The following RBM27 variants were observed in gnomAD, a reference collection of about 807,000 sequenced individuals.
The protein encoded by RBM27 is RNA-binding protein 27.
A neutral mutation model predicts 135.3 loss-of-function variants in RBM27; 22 were observed. The observed-to-expected ratio is 0.16, with a 90% CI of 0.12 to 0.23. The LOEUF (loss-of-function observed/expected upper bound fraction) is 0.23, where lower values mean the gene tolerates loss of function less well. Among genes scored for constraint, RBM27 ranks in the 10% least tolerant of loss-of-function variants. RBM27 has a pLI of 1.00. For missense variants in RBM27, 1,009 were observed against 1,281.0 expected, an observed-to-expected ratio of 0.79 and a Z score of 3.24; for synonymous variants, 481 against 442.4, an observed-to-expected ratio of 1.09 and a Z score of -1.10.
At chr5:146,240,888 A>C (rs1268660239) in intron 8 of RBM27, among the ~76,000 whole-genome samples, 1 of 152,168 alleles carries the variant, frequency 6.6e-6, no homozygotes, top group African/African-American at 2.4e-5. Flanking sequence ...GGGAAATCTC[A>C]AATATATATA....
At chr5:146,271,160 G>A in intron 18 of RBM27, 102 bp downstream of exon 18, 1 of 797,804 alleles carries the variant, frequency 1.3e-6, no homozygotes, top group African/African-American at 1.8e-5. Flanking sequence ...CAGCACTTTG[G>A]GAGGCCGAGG....
At chr5:146,227,695 C>T (rs768657226) in intron 3 of RBM27, among the ~76,000 whole-genome samples, 1 of 152,084 alleles carries the variant, frequency 6.6e-6, no homozygotes, top group South Asian at 2.1e-4. Context: ...GCTGAGATAG[C>T]GCCACTGCAC....
At chr5:146,280,121 C>T (rs993381918) in intron 19 of RBM27, among the ~76,000 whole-genome samples, 1 of 151,436 alleles carries the variant, frequency 6.6e-6, no homozygotes, top group Non-Finnish European at 1.5e-5. Flanking sequence ...TGCAGTGGTA[C>T]GATCTCAGCT....
At chr5:146,259,709 C>T (rs1758292995) in intron 11 of RBM27, among the ~76,000 whole-genome samples, 1 of 151,058 alleles carries the variant, frequency 6.6e-6, no homozygotes. Context: ...CGCGGTGGCT[C>T]ACGCCTGTAA....
intron 14 of RBM27, among the ~76,000 whole-genome samples, chr5:146,265,062 A>C (rs1033518856): frequency 4.6e-5 from 7 of 152,226 alleles, no homozygotes; most frequent in Admixed American, 6.5e-5. Context: ...AATTATGCAT[A>C]TGCATTACTA....
chr5:146,263,618 G>T lies in RBM27; in HGVS notation c.2318G>T (p.Gly773Val). Residue 773 changes from glycine to valine, a missense_variant, in exon 14 of 21, where the codon GGA (glycine) becomes GTA (valine). This residue lies in a region of RBM27 where 355 missense variants were observed against 427.3 expected (regional missense o/e 0.83). Coordinates refer to ENST00000265271, the MANE Select transcript of RBM27 (RefSeq NM_018989.2). The part of the protein sequence containing the change: ...SHLLNQSGGA[G>V]EDCQIFSTPG... ...TTGTTGAATCAGTCTGGTGGTGCTG[G>T]AGAAGATTGCCAGGTATGCATTTTT... The T allele has an allele frequency of 6.2e-7, 1 of 1,613,682 alleles. No homozygotes were observed. Among genetic ancestry groups the T allele is most frequent in the Non-Finnish European group, 8.5e-7 (1 of 1,179,900 alleles).
rs567075751 is a variant in RBM27, at chr5:146,233,652, G to C, written c.1053G>C (p.Pro351=). Residue 351 remains proline, a synonymous_variant, in exon 7 of 21, where the codon CCG becomes CCC. Coordinates refer to ENST00000265271, the MANE Select transcript of RBM27 (RefSeq NM_018989.2). ...PGPGPGPGPG[P]GPGPGPGHSM... ...CGGGCCCAGGTCCAGGCCCAGGCCC[G>C]GGCCCAGGTCCAGGTCCTGGCCATA... 1 of 1,556,660 alleles carries C rather than the reference G, an allele frequency of 6.4e-7. No individual in the cohort carries two copies. The highest frequency in any genetic ancestry group is 8.6e-7 in the Non-Finnish European group (1 of 1,160,038).
intron 1 of RBM27, among the ~76,000 whole-genome samples, chr5:146,206,570 A>G (rs1239902130): frequency 6.7e-6 from 1 of 149,092 alleles, no homozygotes; most frequent in Non-Finnish European, 1.5e-5. Context: ...AGGCTAAAAT[A>G]CTTTATTTGT....
chr5:146,237,099 C>T (rs189784321), intron 7 of RBM27, among the ~76,000 whole-genome samples, 199 bp from the exon 8 acceptor site: 32 of 152,150 alleles, frequency 2.1e-4, no homozygotes, highest in Non-Finnish European at 2.5e-4. Context: ...CCACCACGCC[C>T]TGCTCATTTT....
rs1317948852 is a variant in RBM27 at position 146,230,856 on chromosome 5, T to C, written c.789T>C (p.His263=). The part of the protein sequence containing the change: ...TESWSNYYNN[H]SSSNSFGRNL... ...GTTGGTCTAATTACTATAACAATCA[T>C]AGCTCTTCCAATTCTTTTGGTCGAA... Residue 263 remains histidine, a synonymous_variant, in exon 6 of 21, where the codon CAT becomes CAC. Transcript: ENST00000265271. The C allele has an allele frequency of 6.2e-7, 1 of 1,614,154 alleles. No individual in the cohort carries two copies. The highest frequency in any genetic ancestry group is 8.5e-7 in the Non-Finnish European group (1 of 1,180,004).
chr5:146,239,596 G>T (rs796541238), intron 8 of RBM27, among the ~76,000 whole-genome samples: 15 of 148,450 alleles, frequency 1.0e-4, no homozygotes, highest in African/African-American at 3.8e-4. Context: ...TTGTGCCTCA[G>T]CCTCCCAAGT....
intron 7 of RBM27, among the ~76,000 whole-genome samples, chr5:146,236,734 C>T (rs946537062): frequency 2.0e-5 from 3 of 151,948 alleles, no homozygotes; most frequent in Non-Finnish European, 4.4e-5. Flanking sequence ...AGTGATTCTT[C>T]TGCCTCAGCT....
Sources: allele counts gnomAD v4.1 joint callset (sites outside exome capture counted in the v4.1 genomes callset), GRCh38; gene constraint gnomAD v4.1.1; regional missense constraint gnomAD v4.1.1; transcripts MANE v1.5; gene names NCBI Gene and HGNC (gene_info 2026-07-23, HGNC 2026-07-21).